Variants in PCDHA5 observed in about 807,000 individuals in gnomAD.
The protein encoded by PCDHA5 is protocadherin alpha-5.
In PCDHA5, 43 loss-of-function variants were observed where a neutral mutation model predicts 61.6. The ratio of observed to expected loss-of-function variants is 0.70; its 90% CI spans 0.55 to 0.90. PCDHA5 has a LOEUF of 0.90. Among genes scored for constraint, PCDHA5 ranks in the 40% least tolerant of loss-of-function variants. The pLI is 0.00. For missense variants in PCDHA5, 1,298 were observed against 1,222.7 expected (o/e 1.06, Z -0.92); for synonymous variants, 627 against 543.9 (o/e 1.15, Z -2.13).
chr5:140,916,520 G>C (rs1339531103), intron 1 of PCDHA5, among the ~76,000 whole-genome samples: 1 of 152,112 alleles, frequency 6.6e-6, no homozygotes, highest in African/African-American at 2.4e-5. Context: ...GCCAAGACTG[G>C]GTCCTTCCCA....
intron 3 of PCDHA5, among the ~76,000 whole-genome samples, chr5:141,000,409 ATATATATATATATTT>A (rs2097918498): frequency 1.1e-5 from 1 of 94,040 alleles, no homozygotes; most frequent in East Asian, 3.1e-4. Flanking sequence ...ATATATATAT[ATATATATATATATTT>A]TTTTTTTTTT....
chr5:140,841,203 T>C, intron 1 of PCDHA5: 1 of 1,324,274 alleles, frequency 7.6e-7, no homozygotes, highest in Non-Finnish European at 1.0e-6. Flanking sequence ...TCTGACAGCA[T>C]CTGTCTCTAA....
chr5:140,885,051 A>G (rs2060446316), intron 1 of PCDHA5, among the ~76,000 whole-genome samples: 1 of 152,230 alleles, frequency 6.6e-6, no homozygotes, highest in Non-Finnish European at 1.5e-5. Context: ...TAATGTATAC[A>G]TATACCCACA....
chr5:140,852,789 C>T, intron 1 of PCDHA5: 1 of 977,530 alleles, frequency 1.0e-6, no homozygotes, highest in Non-Finnish European at 1.2e-6. Context: ...TAGAGGGATG[C>T]TACAGATGTC....
intron 3 of PCDHA5, among the ~76,000 whole-genome samples, chr5:140,984,056 G>A (rs569184437): frequency 6.6e-6 from 1 of 152,318 alleles, no homozygotes; most frequent in African/African-American, 2.4e-5. Context: ...TGACAAATCT[G>A]TACCCTCAGT....
chr5:140,854,244 A>C lies in PCDHA5; in HGVS notation c.2352+30117A>C, dbSNP rs782085298. 42 of 645,742 alleles carry C rather than the reference A, an allele frequency of 6.5e-5. 1 individual carries two copies. The highest frequency in any genetic ancestry group is 7.7e-5 in the Non-Finnish European group (40 of 520,302). 40.0% of individuals were successfully genotyped at this position (645,742 alleles called of 1,614,324 possible). A position where few individuals can be genotyped will look rare whatever the true frequency, so the allele number is the denominator to read the frequency against. ...TCTACATTGGGATATTTATGTTATCACTTGGTATAAAATGTACATTAGTAG... is the reference window on the plus strand; with the variant it reads ...TCTACATTGGGATATTTATGTTATCCCTTGGTATAAAATGTACATTAGTAG... On this transcript the variant is annotated intron_variant, in intron 1 of 3. Coordinates refer to ENST00000529859, the MANE Select transcript of PCDHA5 (RefSeq NM_018908.3).
intron 1 of PCDHA5, chr5:140,836,146 G>A (rs2150254083): frequency 6.2e-7 from 1 of 1,613,806 alleles, no homozygotes. Flanking sequence ...GTGGGCGCGG[G>A]CCATGTGGTG....
chr5:140,881,023 A>T (rs1338073910), intron 1 of PCDHA5, among the ~76,000 whole-genome samples: 2 of 152,240 alleles, frequency 1.3e-5, no homozygotes, highest in Admixed American at 1.3e-4. Flanking sequence ...AAATAAACCC[A>T]ACAGTCATTT....
intron 1 of PCDHA5, among the ~76,000 whole-genome samples, chr5:140,838,864 G>T (rs1775916115): frequency 6.6e-6 from 1 of 151,900 alleles, no homozygotes; most frequent in African/African-American, 2.4e-5. Flanking sequence ...CCAAGCTGCA[G>T]TTATCATGCC....
At chr5:140,965,238 A>T (rs540671197) in intron 1 of PCDHA5, among the ~76,000 whole-genome samples, 1 of 152,314 alleles carries the variant, frequency 6.6e-6, no homozygotes, top group African/African-American at 2.4e-5. Flanking sequence ...ACCTGGGAAG[A>T]GTGAATATTC....
intron 1 of PCDHA5, chr5:140,968,891 A>G (rs782512271): frequency 1.5e-5 from 24 of 1,614,060 alleles, no homozygotes; most frequent in South Asian, 1.1e-4. Context: ...CCTTTATCTA[A>G]TAATAGCATT....
chr5:140,961,465 T>C (rs2095614873), intron 1 of PCDHA5, among the ~76,000 whole-genome samples: 2 of 152,218 alleles, frequency 1.3e-5, no homozygotes, highest in Admixed American at 1.3e-4. Context: ...GCTGCCTTTC[T>C]TTTTTTGTCT....
chr5:140,843,370 G>A lies in PCDHA5; in HGVS notation c.2352+19243G>A, dbSNP rs782264664. On this transcript the variant is annotated intron_variant, in intron 1 of 3. Coordinates refer to ENST00000529859, the MANE Select transcript of PCDHA5 (RefSeq NM_018908.3). Reference sequence around the variant, plus strand: ...CTCCAAAAGCGTCATCGAGGCAGTCGGCTGGCGTTTTGGGTCCGGAAGCGG... The same window carrying A: ...CTCCAAAAGCGTCATCGAGGCAGTCAGCTGGCGTTTTGGGTCCGGAAGCGG... The A allele has an allele frequency of 1.2e-5, 19 of 1,596,088 alleles. 2 individuals carry two copies. Among genetic ancestry groups the A allele is most frequent in the Non-Finnish European group, 1.6e-5 (19 of 1,165,604 alleles).
At chr5:140,953,333 G>T (rs1164031991) in intron 1 of PCDHA5, among the ~76,000 whole-genome samples, 1 of 151,962 alleles carries the variant, frequency 6.6e-6, no homozygotes, top group East Asian at 1.9e-4. Flanking sequence ...TAGAATTTAG[G>T]GCTCACCTTC....
chr5:140,969,281 A>C, intron 1 of PCDHA5: 5 of 1,614,220 alleles, frequency 3.1e-6, no homozygotes, highest in Non-Finnish European at 3.4e-6. Context: ...AAGTGGTCAG[A>C]ATGCTGGGAA....
In PCDHA5 at chr5:140,828,897, G is replaced by A. The variant is rs2150160377; in HGVS notation, c.2352+4770G>A. 12 of 1,613,934 alleles carry A rather than the reference G, an allele frequency of 7.4e-6. No individual in the cohort carries two copies. The Admixed American group carries it at 2.0e-4, about 27-fold the overall frequency. ...GTTATCAGACTGAATGCTTCTGATC[G>A]GGATGAAGGAGCGAATGGGGCAATT... On this transcript the variant is annotated intron_variant, in intron 1 of 3. Coordinates refer to ENST00000529859, the MANE Select transcript of PCDHA5 (RefSeq NM_018908.3).
intron 1 of PCDHA5, chr5:140,828,262 G>C (rs2150153262): frequency 6.2e-7 from 1 of 1,614,018 alleles, no homozygotes; most frequent in South Asian, 1.1e-5. Context: ...TGGAGCTGGC[G>C]GAGCTGGTGC....
At chr5:140,884,395 C>T (rs1554181520) in intron 1 of PCDHA5, 1 of 1,614,000 alleles carries the variant, frequency 6.2e-7, no homozygotes, top group African/African-American at 1.3e-5. Context: ...CGGTGTCCAG[C>T]CTGTTGGTGC....
At chr5:140,849,920 C>A in intron 1 of PCDHA5, 1 of 1,598,384 alleles carries the variant, frequency 6.3e-7, no homozygotes, top group Non-Finnish European at 8.6e-7. Context: ...GCCACATCTT[C>A]ACGGTGTCTG....
Sources: gnomAD v4.1 joint callset for allele counts (sites outside exome capture counted in the v4.1 genomes callset) on GRCh38, gnomAD v4.1.1 for gene constraint, MANE v1.5 for transcripts, NCBI Gene and HGNC (gene_info 2026-07-23, HGNC 2026-07-21) for gene names.